CGAS: variants seen among roughly 807,000 people sequenced by gnomAD.
CGAS encodes cyclic GMP-AMP synthase, also known as 2'3'-cGAMP synthase.
In CGAS, 31 loss-of-function variants were observed where a neutral mutation model predicts 34.0. The ratio of observed to expected loss-of-function variants is 0.91; its 90% CI spans 0.69 to 1.23. The LOEUF (loss-of-function observed/expected upper bound fraction) is 1.23. Ranked by LOEUF, CGAS falls within the 50% of genes most tolerant of loss-of-function variation. CGAS has a pLI of 0.00. For synonymous variants in CGAS, 266 were observed against 260.0 expected, an observed-to-expected ratio of 1.02 and a Z score of -0.22; for missense variants, 597 against 657.6, an observed-to-expected ratio of 0.91 and a Z score of 1.01.
intron 3 of CGAS, 118 bp downstream of exon 3, chr6:73,440,091 T>C: frequency 1.1e-6 from 1 of 889,246 alleles, no homozygotes; most frequent in Non-Finnish European, 1.7e-6. Flanking sequence ...ATAACCTATT[T>C]TGCCTGATGG....
intron 2 of CGAS, among the ~76,000 whole-genome samples, chr6:73,444,313 T>A (rs1296147074): frequency 7.3e-6 from 1 of 137,126 alleles, no homozygotes; most frequent in African/African-American, 3.4e-5. Context: ...TTAATTTAAT[T>A]TTATTTTATT....
In CGAS at chr6:73,452,239, G is replaced by T. The variant is rs1770589463; in HGVS notation, c.-58C>A. The stretch of plus-strand genomic sequence containing the variant: ...CCGTTTCAGGAAAAGGCCGCAAGAG[G>T]AAGAGCCAGCAGCAGCTGTTGGAAA... On this transcript the variant is annotated 5_prime_UTR_variant, in exon 1 of 5. Coordinates refer to ENST00000370315, the MANE Select transcript of CGAS (RefSeq NM_138441.3). 6.6e-7 allele frequency: 1 copy of T among 1,519,636 alleles called. No homozygotes were observed. The allele number at this position is 1,519,636 out of a possible 1,614,324, so 94.1% of individuals were successfully genotyped here. A position where few individuals can be genotyped will look rare whatever the true frequency, so the allele number is the denominator to read the frequency against.
At chr6:73,435,412 G>T (rs1196531933) in intron 3 of CGAS, among the ~76,000 whole-genome samples, 2 of 152,140 alleles carry the variant, frequency 1.3e-5, no homozygotes, top group Non-Finnish European at 2.9e-5. Context: ...CTGTGGAAAA[G>T]CAAATTGGAA....
chr6:73,451,260 T>C (rs1561932680), intron 1 of CGAS, among the ~76,000 whole-genome samples: 1 of 152,148 alleles, frequency 6.6e-6, no homozygotes, highest in East Asian at 1.9e-4. Flanking sequence ...TCGGCTTGCA[T>C]GAATGAACCC....
In CGAS at chr6:73,440,439, T is replaced by A; in HGVS notation, c.884A>T (p.Asp295Val). 6.2e-7 allele frequency: 1 copy of A among 1,610,298 alleles called. No homozygotes were observed. The highest frequency in any genetic ancestry group is 8.5e-7 in the Non-Finnish European group (1 of 1,177,584). The stretch of plus-strand genomic sequence containing the variant: ...TCCTCTTTTCCTCTTCATGATGACA[T>A]CTGTATCTGGTTGAACATATAAAAG... ...KEEINDIKDT[D>V]VIMKRKRGGS... Residue 295 changes from aspartate to valine, a missense_variant, in exon 3 of 5, where the codon GAT becomes GTT. Physicochemically the swap from Asp to Val is radical, Grantham distance 152. This residue lies in a region of CGAS where 271 missense variants were observed against 324.1 expected (regional missense o/e 0.84). Transcript: ENST00000370315.
chr6:73,448,606 G>A (rs1770507708), intron 1 of CGAS, among the ~76,000 whole-genome samples: 2 of 151,894 alleles, frequency 1.3e-5, no homozygotes, highest in East Asian at 3.9e-4. Context: ...AGAATTTGTA[G>A]TCCCAGGTAG....
intron 2 of CGAS, among the ~76,000 whole-genome samples, chr6:73,442,073 A>G (rs1770388963): frequency 6.6e-6 from 1 of 152,030 alleles, no homozygotes; most frequent in Non-Finnish European, 1.5e-5. Flanking sequence ...GGGTTTCACC[A>G]TGTTGGCCAG....
rs1413992290 is a variant in CGAS at position 73,451,912 on chromosome 6, G to A, written c.270C>T (p.Asp90=). The A allele has an allele frequency of 1.3e-6, 2 of 1,518,348 alleles. No individual in the cohort carries two copies. The highest frequency in any genetic ancestry group is 2.2e-5 in the Admixed American group (1 of 45,320). 94.1% of individuals were successfully genotyped at this position (1,518,348 alleles called of 1,614,324 possible). Residue 90 remains aspartate, a synonymous_variant, in exon 1 of 5, where the codon GAC becomes GAT. Transcript: ENST00000370315. ...CGCTGGTGGCGTCAGACGGCTGCGT[G>A]TCCTGGGCGCGCTGAGGGGCCTTTT... ...RAKKAPQRAQ[D]TQPSDATSAP...
chr6:73,425,102 C>A lies in CGAS; in HGVS notation c.*125G>T. On this transcript the variant is annotated 3_prime_UTR_variant, in exon 5 of 5. Transcript: ENST00000370315. Reference sequence around the variant, plus strand: ...CTCCTGACCTCAAGTGATCCGCCTGCCTCGGCCTCCAAAGAGCTGGGATTA... The same window carrying A: ...CTCCTGACCTCAAGTGATCCGCCTGACTCGGCCTCCAAAGAGCTGGGATTA... 1.6e-6 allele frequency: 1 copy of A among 644,952 alleles called. No homozygotes were observed. The highest frequency in any genetic ancestry group is 2.5e-6 in the Non-Finnish European group (1 of 395,166). 40.0% of individuals were successfully genotyped at this position (644,952 alleles called of 1,614,324 possible).
At chr6:73,449,787 G>A (rs1297632323) in intron 1 of CGAS, among the ~76,000 whole-genome samples, 1 of 151,848 alleles carries the variant, frequency 6.6e-6, no homozygotes, top group African/African-American at 2.4e-5. Context: ...TCTGAGGTCA[G>A]AGTTCGAGAC....
chr6:73,447,216 A>G (rs1202424272), intron 1 of CGAS, among the ~76,000 whole-genome samples: 1 of 152,194 alleles, frequency 6.6e-6, no homozygotes, highest in Non-Finnish European at 1.5e-5. Context: ...TATGTTTTTA[A>G]GTTTTGAATA....
intron 1 of CGAS, 74 bp downstream of exon 1, chr6:73,451,451 C>G: frequency 6.9e-7 from 1 of 1,447,752 alleles, no homozygotes; most frequent in Admixed American, 2.6e-5. Context: ...GGGGCGCGAC[C>G]CGGGGAAGGT....
Position 73,425,461 on chromosome 6 carries a change from T to G in CGAS, c.1335A>C (p.Val445=). The stretch of plus-strand genomic sequence containing the variant: ...GACTGTCTTGAGGGTTCTGGGTACA[T>G]ACGTGAAAGAAGGCAGTTTTCACAT... ...SYHVKTAFFH[V]CTQNPQDSQW... is the part of the protein sequence containing the mutation. Residue 445 remains valine, a synonymous_variant, in exon 5 of 5, where the codon GTA becomes GTC. Coordinates refer to ENST00000370315, the MANE Select transcript of CGAS (RefSeq NM_138441.3). 6.2e-7 allele frequency: 1 copy of G among 1,614,166 alleles called. No individual in the cohort carries two copies. Among genetic ancestry groups the G allele is most frequent in the Non-Finnish European group, 8.5e-7 (1 of 1,180,034 alleles).
chr6:73,440,368 C>G lies in CGAS; in HGVS notation c.955G>C (p.Asp319His). 5 of 1,614,128 alleles carry G rather than the reference C, an allele frequency of 3.1e-6. No individual in the cohort carries two copies. The highest frequency in any genetic ancestry group is 4.2e-6 in the Non-Finnish European group (5 of 1,180,032). ...TLLISEKISV[D>H]ITLALESKSS... ...TTTGATTCCAAAGCCAGGGTTATAT[C>G]CACAGATATTTTTTCACTAATAAGA... The change falls in exon 3 of 5, where the codon GAT (aspartate) becomes CAT (histidine). Residue 319 changes from aspartate (D) to histidine (H), a missense_variant. Around this residue, in one of 3 missense-constraint regions of CGAS, gnomAD observed 271 missense variants for 324.1 expected, o/e 0.84. Coordinates refer to ENST00000370315, the MANE Select transcript of CGAS (RefSeq NM_138441.3).
In CGAS at chr6:73,425,389, T is replaced by C. The variant is rs758419040; in HGVS notation, c.1407A>G (p.Thr469=). 2.5e-6 allele frequency: 4 copies of C among 1,613,532 alleles called. No individual in the cohort carries two copies. The highest frequency in any genetic ancestry group is 3.4e-6 in the Non-Finnish European group (4 of 1,179,968). ...DLGLCFDNCV[T]YFLQCLRTEK... The stretch of plus-strand genomic sequence containing the variant: ...CTGTCCTGAGGCACTGAAGAAAGTA[T>C]GTCACGCAGTTATCAAAGCAGAGGC... The change falls in exon 5 of 5, where the codon ACA becomes ACG. Residue 469 remains threonine, a synonymous_variant. Transcript: ENST00000370315.
intron 3 of CGAS, among the ~76,000 whole-genome samples, chr6:73,431,008 A>C (rs1053181079): frequency 2.6e-5 from 4 of 152,114 alleles, no homozygotes; most frequent in South Asian, 2.1e-4. Context: ...AGGCTGAGGC[A>C]GGGGAATCGC....
At chr6:73,446,833 G>A (rs571924001) in intron 1 of CGAS, among the ~76,000 whole-genome samples, 14 of 151,600 alleles carry the variant, frequency 9.2e-5, no homozygotes, top group Non-Finnish European at 1.8e-4. Flanking sequence ...CGAGGCAGGC[G>A]AATCACAAGG....
chr6:73,428,720 CTCT>C lies in CGAS; in HGVS notation c.1203_1205del (p.Glu402del). Reference sequence around the variant, plus strand: ...AATAAGGCTGTTACCTGCAACATTTCTCTTCTTTGTTTTCACAGCACGTTTTAG... The same window carrying C: ...AATAAGGCTGTTACCTGCAACATTTCTCTTTGTTTTCACAGCACGTTTTAG... On this transcript the variant is annotated inframe_deletion, in exon 4 of 5. Transcript: ENST00000370315. 5.6e-6 allele frequency: 9 copies of C among 1,610,950 alleles called. No individual in the cohort carries two copies. The highest frequency in any genetic ancestry group is 7.6e-6 in the Non-Finnish European group (9 of 1,179,284).
chr6:73,429,238 A>G (rs1049262884), intron 3 of CGAS, among the ~76,000 whole-genome samples: 1 of 151,936 alleles, frequency 6.6e-6, no homozygotes, highest in Non-Finnish European at 1.5e-5. Context: ...AAAAAATCTT[A>G]GGAGTGAATC....
Sources: gnomAD v4.1 joint callset for allele counts (sites outside exome capture counted in the v4.1 genomes callset) on GRCh38, gnomAD v4.1.1 for gene constraint, gnomAD v4.1.1 regional missense constraint, MANE v1.5 for transcripts, NCBI Gene and HGNC (gene_info 2026-07-23, HGNC 2026-07-21) for gene names.